Variants in DPYD observed in about 807,000 individuals in gnomAD.
The protein encoded by DPYD is dihydropyrimidine dehydrogenase [NADP(+)].
In DPYD, 109 loss-of-function variants were observed where a neutral mutation model predicts 116.2. That is an observed-to-expected ratio of 0.94 (90% CI 0.80 to 1.10). The LOEUF is 1.10. Among genes scored for constraint, DPYD ranks in the 50% least tolerant of loss-of-function variants. The probability of loss-of-function intolerance (pLI) is 0.00; values close to 1 mark genes in which losing one functional copy is unlikely to be tolerated. For synonymous variants in DPYD, 440 were observed against 432.0 expected (o/e 1.02, Z -0.23); for missense variants, 1,302 against 1,254.5 (o/e 1.04, Z -0.57).
chr1:97,793,529 G>A (rs1264037478), intron 3 of DPYD, among the ~76,000 whole-genome samples: 2 of 151,992 alleles, frequency 1.3e-5, no homozygotes, highest in Non-Finnish European at 2.9e-5. Flanking sequence ...AGAATACAAA[G>A]TCCAGAAAGA....
intron 13 of DPYD, among the ~76,000 whole-genome samples, chr1:97,461,673 A>G (rs2101825044): frequency 6.6e-6 from 1 of 152,350 alleles, no homozygotes; most frequent in African/African-American, 2.4e-5. Flanking sequence ...TTAAAATAAT[A>G]AAATTTGAAG....
chr1:97,201,594 G>A (rs181777108), intron 19 of DPYD, among the ~76,000 whole-genome samples: 1 of 152,164 alleles, frequency 6.6e-6, no homozygotes, highest in African/African-American at 2.4e-5. Flanking sequence ...ACAGCCCCTG[G>A]AGATACATAG....
chr1:97,674,563 G>A (rs561998711), intron 8 of DPYD, among the ~76,000 whole-genome samples: 1 of 151,850 alleles, frequency 6.6e-6, no homozygotes, highest in South Asian at 2.1e-4. Flanking sequence ...AAATAAATGG[G>A]CTTCTTTAAA....
chr1:97,769,188 C>T (rs1044243745), intron 3 of DPYD, among the ~76,000 whole-genome samples: 1 of 151,992 alleles, frequency 6.6e-6, no homozygotes, highest in Non-Finnish European at 1.5e-5. Context: ...CAGTATTCCA[C>T]AGGAAAGAAA....
At chr1:97,179,595 C>T (rs1227968447) in intron 20 of DPYD, among the ~76,000 whole-genome samples, 2 of 152,098 alleles carry the variant, frequency 1.3e-5, no homozygotes. Context: ...GACTGGCCAG[C>T]ATGGTGTAAG....
intron 19 of DPYD, among the ~76,000 whole-genome samples, chr1:97,217,635 C>CAA (rs775186309): frequency 1.5e-5 from 2 of 131,296 alleles, no homozygotes; most frequent in East Asian, 2.2e-4. Context: ...TTATCTGTAC[C>CAA]AAAAAAAAAA....
intron 8 of DPYD, among the ~76,000 whole-genome samples, chr1:97,671,356 A>T (rs934745558): frequency 6.6e-5 from 10 of 152,182 alleles, no homozygotes; most frequent in Non-Finnish European, 1.3e-4. Context: ...ACCATTAAAA[A>T]TTAACCAAAA....
At chr1:97,528,526 AC>A (rs1210337426) in intron 12 of DPYD, among the ~76,000 whole-genome samples, 1 of 151,954 alleles carries the variant, frequency 6.6e-6, no homozygotes, top group Non-Finnish European at 1.5e-5. Flanking sequence ...CTCCATCTAA[AC>A]TCTACCTCTA....
intron 14 of DPYD, among the ~76,000 whole-genome samples, chr1:97,423,438 T>C (rs898253388): frequency 1.3e-5 from 2 of 152,030 alleles, no homozygotes; most frequent in African/African-American, 4.8e-5. Flanking sequence ...CCTGATATTA[T>C]CCTAAAGAAG....
intron 10 of DPYD, among the ~76,000 whole-genome samples, chr1:97,581,629 C>A (rs1377416069): frequency 1.3e-5 from 2 of 150,708 alleles, no homozygotes; most frequent in African/African-American, 4.9e-5. Flanking sequence ...GCCTGTAGTC[C>A]CAGCTACTTG....
At chr1:97,498,610 T>G (rs1160787382) in intron 13 of DPYD, among the ~76,000 whole-genome samples, 3 of 151,712 alleles carry the variant, frequency 2.0e-5, no homozygotes, top group Non-Finnish European at 4.4e-5. Context: ...TTGTGATGGC[T>G]ATATATTAAT....
At chr1:97,169,126 G>A (rs943276014) in intron 20 of DPYD, among the ~76,000 whole-genome samples, 1 of 152,056 alleles carries the variant, frequency 6.6e-6, no homozygotes, top group Admixed American at 6.6e-5. Context: ...GGGATTACAG[G>A]CATGAGCCAC....
chr1:97,461,396 A>G (rs1570770564), intron 13 of DPYD, among the ~76,000 whole-genome samples: 1 of 152,330 alleles, frequency 6.6e-6, no homozygotes, highest in East Asian at 1.9e-4. Flanking sequence ...AAACAGAGGG[A>G]AAGCATAAAA....
intron 19 of DPYD, among the ~76,000 whole-genome samples, chr1:97,229,585 T>TAA (rs1470644362): frequency 2.9e-3 from 197 of 67,218 alleles, no homozygotes; most frequent in African/African-American, 0.011. Flanking sequence ...TATATATATA[T>TAA]ATATACTGAT....
At chr1:97,502,718 C>G (rs1321745549) in intron 13 of DPYD, among the ~76,000 whole-genome samples, 1 of 151,886 alleles carries the variant, frequency 6.6e-6, no homozygotes, top group Non-Finnish European at 1.5e-5. Context: ...TGGGAAGTGA[C>G]TTTCTACCCT....
chr1:97,665,196 G>T lies in DPYD; in HGVS notation c.850+13899C>A, dbSNP rs61525999. Among the ~76,000 whole-genome samples, 51 of 152,166 alleles carry T rather than the reference G, an allele frequency of 3.4e-4. 1 individual carries two copies. The East Asian group carries it at 9.6e-3, about 29-fold the overall frequency. ...ACTCCATTAACCAAATATTTCTACA[G>T]TCAACAGGAGAGGAAAACAAACATG... On this transcript the variant is annotated intron_variant, in intron 8 of 22. Coordinates refer to ENST00000370192, the MANE Select transcript of DPYD (RefSeq NM_000110.4).
chr1:97,228,017 G>A (rs1255297078), intron 19 of DPYD, among the ~76,000 whole-genome samples: 1 of 151,620 alleles, frequency 6.6e-6, no homozygotes, highest in Non-Finnish European at 1.5e-5. Flanking sequence ...TCTTTACAAT[G>A]AAGTCTGTTT....
intron 1 of DPYD, among the ~76,000 whole-genome samples, chr1:97,920,210 C>A (rs1674438697): frequency 4.6e-5 from 7 of 151,954 alleles, no homozygotes; most frequent in Admixed American, 4.6e-4. Context: ...TCAGGTAGGA[C>A]CTTATTTACA....
At chr1:97,350,538 G>T (rs1670085876) in intron 16 of DPYD, among the ~76,000 whole-genome samples, 1 of 152,084 alleles carries the variant, frequency 6.6e-6, no homozygotes, top group African/African-American at 2.4e-5. Flanking sequence ...GGTTACAGGG[G>T]TCAGTGAAAT....
Sources: allele counts gnomAD v4.1 joint callset (sites outside exome capture counted in the v4.1 genomes callset), GRCh38; gene constraint gnomAD v4.1.1; transcripts MANE v1.5; gene names NCBI Gene and HGNC (gene_info 2026-07-23, HGNC 2026-07-21).